CAMKK1: variants seen among roughly 807,000 people sequenced by gnomAD.
CAMKK1 encodes calcium/calmodulin dependent protein kinase kinase 1.
A neutral mutation model predicts 63.5 loss-of-function variants in CAMKK1; 20 were observed. That is an observed-to-expected ratio of 0.32 (90% CI 0.22 to 0.46). The LOEUF is 0.46. CAMKK1 is among the 20% of genes least tolerant of loss of function. The pLI is 1.00. For missense variants in CAMKK1, 588 were observed against 658.1 expected (o/e 0.89, Z 1.17); for synonymous variants, 253 against 269.0 (o/e 0.94, Z 0.58).
chr17:3,862,190 GCC>G lies in CAMKK1; in HGVS notation c.*19_*20del. 1 of 1,568,064 alleles carries G rather than the reference GCC, an allele frequency of 6.4e-7. No individual in the cohort carries two copies. Among genetic ancestry groups the G allele is most frequent in the Non-Finnish European group, 8.6e-7 (1 of 1,156,094 alleles). Reference sequence around the variant, plus strand: ...CGCGGGATGAGTGTGCTGCCGGGTGGCCCTGGGTGCATGCAGGGGCTCAGGAT... The same window carrying G: ...CGCGGGATGAGTGTGCTGCCGGGTGGCTGGGTGCATGCAGGGGCTCAGGAT... On this transcript the variant is annotated 3_prime_UTR_variant, in exon 16 of 16. Transcript: ENST00000348335. The surrounding 1 kb of genome is among the most constrained non-coding windows in gnomAD (Gnocchi z 4.1).
rs2055509206 is a variant in CAMKK1, at chr17:3,883,548, T to C, written c.463-68A>G. 4 of 1,280,006 alleles carry C rather than the reference T, an allele frequency of 3.1e-6. No individual in the cohort carries two copies. The highest frequency in any genetic ancestry group is 4.6e-6 in the Non-Finnish European group (4 of 875,562). 79.3% of individuals were successfully genotyped at this position (1,280,006 alleles called of 1,614,324 possible). On this transcript the variant is annotated intron_variant, in intron 4 of 15. Transcript: ENST00000348335. This position sits in a 1 kb window ranked among gnomAD's most constrained non-coding sequence, Gnocchi z 4.7. ...AGGGGCTAGAACAGGCTGGTACATGTGGACTGAGGTCCGGAGAGGCACACT... is the reference window on the plus strand; with the variant it reads ...AGGGGCTAGAACAGGCTGGTACATGCGGACTGAGGTCCGGAGAGGCACACT...
chr17:3,879,972 C>T lies in CAMKK1; in HGVS notation c.796+374G>A. ...GGTAAATCCACCCTGCCACCATGCC[C>T]CGGCCCCATGCCAGGACAGACTCTC... is the stretch of plus-strand genomic sequence containing the variant. On this transcript the variant is annotated intron_variant, in intron 9 of 15. Transcript: ENST00000348335. The surrounding 1 kb of genome is among the most constrained non-coding windows in gnomAD (Gnocchi z 4.5). 1 of 251,316 alleles carries T rather than the reference C, an allele frequency of 4.0e-6. No homozygotes were observed. Among genetic ancestry groups the T allele is most frequent in the Non-Finnish European group, 7.9e-6 (1 of 126,772 alleles). 15.6% of individuals were successfully genotyped at this position (251,316 alleles called of 1,614,324 possible). A position where few individuals can be genotyped will look rare whatever the true frequency, so the allele number is the denominator to read the frequency against.
In CAMKK1 at chr17:3,885,364, G is replaced by A; in HGVS notation, c.324C>T (p.Thr108=). The change falls in exon 2 of 16, where the codon ACC becomes ACT. Residue 108 remains threonine, a synonymous_variant. Coordinates refer to ENST00000348335, the MANE Select transcript of CAMKK1 (RefSeq NM_032294.3). ...AGATGGCCACGTGGTGGGACTCGAT[G>A]GTGGGCCTCCGCCAGGCCCGGGGGG... ...HISPRAWRRP[T]IESHHVAISD... 1 of 1,606,218 alleles carries A rather than the reference G, an allele frequency of 6.2e-7. No individual in the cohort carries two copies. Among genetic ancestry groups the A allele is most frequent in the Non-Finnish European group, 8.5e-7 (1 of 1,175,300 alleles).
chr17:3,884,573 G>A lies in CAMKK1; in HGVS notation c.361-146C>T. On this transcript the variant is annotated intron_variant, in intron 2 of 15. Transcript: ENST00000348335. This position sits in a 1 kb window ranked among gnomAD's most constrained non-coding sequence, Gnocchi z 4.5. ...CACCAAGCTTTTGAGTTTGGATGGG[G>A]AAGTTGGTGGTGCCATCGCCCCCGT... 1.5e-6 allele frequency: 1 copy of A among 670,428 alleles called. No homozygotes were observed. Among genetic ancestry groups the A allele is most frequent in the South Asian group, 2.0e-5 (1 of 49,120 alleles). 41.5% of individuals were successfully genotyped at this position (670,428 alleles called of 1,614,324 possible).
At position 3,884,051 on chromosome 17, in the gene CAMKK1, C is replaced by T; in HGVS notation, c.409-114G>A. On this transcript the variant is annotated intron_variant, in intron 3 of 15. Coordinates refer to ENST00000348335, the MANE Select transcript of CAMKK1 (RefSeq NM_032294.3). The surrounding 1 kb of genome is among the most constrained non-coding windows in gnomAD (Gnocchi z 4.5). Reference sequence around the variant, plus strand: ...TCTCCTGCACCCCATCTGCACTACCCACCACCAGCTGGCTCACGGGCAAAT... The same window carrying T: ...TCTCCTGCACCCCATCTGCACTACCTACCACCAGCTGGCTCACGGGCAAAT... 1 of 1,018,268 alleles carries T rather than the reference C, an allele frequency of 9.8e-7. No individual in the cohort carries two copies. The highest frequency in any genetic ancestry group is 1.5e-6 in the Non-Finnish European group (1 of 663,866). 63.1% of individuals were successfully genotyped at this position (1,018,268 alleles called of 1,614,324 possible).
intron 14 of CAMKK1, among the ~76,000 whole-genome samples, chr17:3,867,217 C>A (rs530918376): frequency 3.9e-5 from 6 of 152,238 alleles, no homozygotes; most frequent in Non-Finnish European, 7.4e-5. Flanking sequence ...CGTAAAAAGC[C>A]GAAGGAAGTG....
rs370429182 is a variant in CAMKK1 at position 3,890,646 on chromosome 17, G to A, written c.-44+2293C>T. On this transcript the variant is annotated intron_variant, in intron 1 of 15. Transcript: ENST00000348335. The surrounding 1 kb of genome is among the most constrained non-coding windows in gnomAD (Gnocchi z 6.5). Reference sequence around the variant, plus strand: ...AATCCGGGAGCCCTCCTTGTCACTCGTCCTTTCCCTGTTGCCCACCCTTGC... The same window carrying A: ...AATCCGGGAGCCCTCCTTGTCACTCATCCTTTCCCTGTTGCCCACCCTTGC... The A allele has an allele frequency of 2.4e-5, 19 of 779,372 alleles. No individual in the cohort carries two copies. The highest frequency in any genetic ancestry group is 3.4e-5 in the Non-Finnish European group (14 of 417,878). 48.3% of individuals were successfully genotyped at this position (779,372 alleles called of 1,614,324 possible).
At chr17:3,871,565 C>T (rs1222828035) in intron 12 of CAMKK1, among the ~76,000 whole-genome samples, 6 of 149,526 alleles carry the variant, frequency 4.0e-5, no homozygotes, top group East Asian at 3.9e-4. Flanking sequence ...ACCGTGTTAG[C>T]CAGGATGGTC....
chr17:3,881,521 T>G (rs1041490161), intron 8 of CAMKK1, 106 bp downstream of exon 8: 37 of 1,142,564 alleles, frequency 3.2e-5, no homozygotes, highest in Middle Eastern at 2.0e-4. Flanking sequence ...GGCCTCCGTC[T>G]CTGACTTCTC....
Position 3,880,334 on chromosome 17 carries a change from C to T in CAMKK1, c.796+12G>A. 2.5e-6 allele frequency: 4 copies of T among 1,612,594 alleles called. No homozygotes were observed. The highest frequency in any genetic ancestry group is 3.4e-6 in the Non-Finnish European group (4 of 1,178,998). On this transcript the variant is annotated intron_variant, in intron 9 of 15. Coordinates refer to ENST00000348335, the MANE Select transcript of CAMKK1 (RefSeq NM_032294.3). ...AGCCCCAGCCCCAGTGGGCAAGCTG[C>T]CCCGCACTCACAGTACTCGAGGCCC... is the stretch of plus-strand genomic sequence containing the variant.
chr17:3,880,395 C>T lies in CAMKK1; in HGVS notation c.747G>A (p.Glu249=). ...MEVPCDKPFS[E]EQARLYLRDV... ...CCCGCAGGTAGAGGCGAGCTTGCTC[C>T]TCCGAGAAGGGCTTGTCACAGGGCA... The change falls in exon 9 of 16, where the codon GAG becomes GAA. Residue 249 remains glutamate, a synonymous_variant. Transcript: ENST00000348335. 1.2e-6 allele frequency: 2 copies of T among 1,614,022 alleles called. No homozygotes were observed. The highest frequency in any genetic ancestry group is 1.7e-6 in the Non-Finnish European group (2 of 1,180,002).
At chr17:3,878,464 C>T (rs2055265297) in intron 9 of CAMKK1, among the ~76,000 whole-genome samples, 2 of 152,204 alleles carry the variant, frequency 1.3e-5, no homozygotes, top group Admixed American at 1.3e-4. Flanking sequence ...GAAGGGACTA[C>T]AACAGGAAGG....
chr17:3,867,000 C>T lies in CAMKK1; in HGVS notation c.1342-989G>A, dbSNP rs147845198. On this transcript the variant is annotated intron_variant, in intron 14 of 15. Transcript: ENST00000348335. ...CCTCCCAAAGTGCTGGGATTACAGG[C>T]GTGAGCCACTGCGCCCAGCCATCAT... Among the ~76,000 whole-genome samples, 22 of 152,294 alleles carry T rather than the reference C, an allele frequency of 1.4e-4. No homozygotes were observed. The East Asian group carries it at 2.9e-3, about 20-fold the overall frequency.
chr17:3,871,140 A>T (rs1341278578), intron 12 of CAMKK1, among the ~76,000 whole-genome samples: 1 of 151,806 alleles, frequency 6.6e-6, no homozygotes, highest in African/African-American at 2.4e-5. Context: ...GACCAGGGGG[A>T]AGGTGGCTAG....
In CAMKK1 at chr17:3,873,451, T is replaced by C. The variant is rs549086320; in HGVS notation, c.1008A>G (p.Val336=). The C allele has an allele frequency of 3.7e-6, 6 of 1,614,046 alleles. No homozygotes were observed. The highest frequency in any genetic ancestry group is 3.3e-5 in the South Asian group (3 of 91,078). The change falls in exon 11 of 16, where the codon GTA becomes GTG. Residue 336 remains valine (V), a synonymous_variant. Coordinates refer to ENST00000348335, the MANE Select transcript of CAMKK1 (RefSeq NM_032294.3). ...GQSFSGKALD[V]WATGVTLYCF... ...AGTACAACGTGACGCCAGTGGCCCA[T>C]ACATCCAAGGCCTGGAAAGAAACAT... is the stretch of plus-strand genomic sequence containing the variant.
Position 3,892,463 on chromosome 17 carries a change from C to A in CAMKK1, c.-44+476G>T, listed in dbSNP as rs1233048418. 1.3e-5 allele frequency among the ~76,000 whole-genome samples: 2 copies of A among 152,166 alleles called. No homozygotes were observed. The highest frequency in any genetic ancestry group is 2.4e-5 in the African/African-American group (1 of 41,436). On this transcript the variant is annotated intron_variant, in intron 1 of 15. Coordinates refer to ENST00000348335, the MANE Select transcript of CAMKK1 (RefSeq NM_032294.3). The surrounding 1 kb of genome is among the most constrained non-coding windows in gnomAD (Gnocchi z 7.5). Reference sequence around the variant, plus strand: ...TCGCCCCAGCCAAGGCAGGACCCTGCGCAGCCTGAGCCGCGCGCCGCCGCC... The same window carrying A: ...TCGCCCCAGCCAAGGCAGGACCCTGAGCAGCCTGAGCCGCGCGCCGCCGCC...
rs1030218907 is a variant in CAMKK1, at chr17:3,884,304, C to T, written c.408+76G>A. 3.0e-5 allele frequency: 45 copies of T among 1,516,474 alleles called. No individual in the cohort carries two copies. The Admixed American group carries it at 6.9e-4, about 23-fold the overall frequency. 93.9% of individuals were successfully genotyped at this position (1,516,474 alleles called of 1,614,324 possible). ...CTTGCCTGGCTCTGCCTCCCGTTCCCTCCCACACGAGAGAAGGAGCAGCGC... is the reference window on the plus strand; with the variant it reads ...CTTGCCTGGCTCTGCCTCCCGTTCCTTCCCACACGAGAGAAGGAGCAGCGC... On this transcript the variant is annotated intron_variant, in intron 3 of 15. Coordinates refer to ENST00000348335, the MANE Select transcript of CAMKK1 (RefSeq NM_032294.3). This position sits in a 1 kb window ranked among gnomAD's most constrained non-coding sequence, Gnocchi z 4.5.
chr17:3,867,988 C>CCCGTCT (rs2054608407), intron 14 of CAMKK1, among the ~76,000 whole-genome samples: 1 of 85,214 alleles, frequency 1.2e-5, no homozygotes, highest in African/African-American at 5.8e-5. Context: ...GAGATGCAGG[C>CCCGTCT]ACCGTCTAAC....
At position 3,883,860 on chromosome 17, in the gene CAMKK1, C is replaced by A. The variant is rs769461215; in HGVS notation, c.462+24G>T. ...CTTCCAGGGCCTGGCTTGGGCAACA[C>A]CTCCCTCGTATCCCCAGACTCACAT... On this transcript the variant is annotated intron_variant, in intron 4 of 15. Coordinates refer to ENST00000348335, the MANE Select transcript of CAMKK1 (RefSeq NM_032294.3). This position sits in a 1 kb window ranked among gnomAD's most constrained non-coding sequence, Gnocchi z 4.7. 9 of 1,613,262 alleles carry A rather than the reference C, an allele frequency of 5.6e-6. No homozygotes were observed. Among genetic ancestry groups the A allele is most frequent in the Non-Finnish European group, 6.8e-6 (8 of 1,179,712 alleles).
Sources: gnomAD v4.1 joint callset for allele counts (sites outside exome capture counted in the v4.1 genomes callset) on GRCh38, gnomAD v4.1.1 for gene constraint, Gnocchi (gnomAD v3.1) non-coding constraint, MANE v1.5 for transcripts, NCBI Gene and HGNC (gene_info 2026-07-23, HGNC 2026-07-21) for gene names.